The following MIGA1 variants were observed in gnomAD, a reference collection of about 807,000 sequenced individuals.
MIGA1 encodes mitoguardin 1.
In MIGA1, 58 loss-of-function variants were observed where a neutral mutation model predicts 82.0. The observed-to-expected ratio is 0.71, with a 90% CI of 0.57 to 0.88. The LOEUF is 0.88. MIGA1 is among the 40% of genes least tolerant of loss of function. The pLI is 0.00. For missense variants in MIGA1, 751 were observed against 749.1 expected, an observed-to-expected ratio of 1.00 and a Z score of -0.03; for synonymous variants, 249 against 253.6, an observed-to-expected ratio of 0.98 and a Z score of 0.17.
At position 77,855,275 on chromosome 1, in the gene MIGA1, C is replaced by G. The variant is rs544040590; in HGVS notation, c.997-3663C>G. 7.2e-5 allele frequency among the ~76,000 whole-genome samples: 11 copies of G among 152,280 alleles called. No homozygotes were observed. In the South Asian group the frequency reaches 1.0e-3, roughly 14 times the overall value. ...TATGTGCCCATTTTTATACCAGTACCATGCTGTTTTGATGATTGTGGCCTT... is the reference window on the plus strand; with the variant it reads ...TATGTGCCCATTTTTATACCAGTACGATGCTGTTTTGATGATTGTGGCCTT... On this transcript the variant is annotated intron_variant, in intron 8 of 15. Transcript: ENST00000370791.
At chr1:77,790,089 A>G (rs527492490) in intron 2 of MIGA1, among the ~76,000 whole-genome samples, 43 of 152,334 alleles carry the variant, frequency 2.8e-4, no homozygotes, top group Non-Finnish European at 5.1e-4. Context: ...ATTTCCCCCA[A>G]TGGTTACATT....
At chr1:77,780,992 C>T (rs1345667971) in intron 1 of MIGA1, among the ~76,000 whole-genome samples, 6 of 151,212 alleles carry the variant, frequency 4.0e-5, no homozygotes, top group Middle Eastern at 3.4e-3. Flanking sequence ...CTGCAACCTC[C>T]GCCCCTAGGG....
intron 8 of MIGA1, chr1:77,853,800 G>A (rs772620037): frequency 1.0e-4 from 26 of 261,256 alleles, no homozygotes; most frequent in Non-Finnish European, 1.7e-4. Context: ...GTTGGATCAG[G>A]CTCTAAAGGA....
intron 8 of MIGA1, among the ~76,000 whole-genome samples, chr1:77,855,001 T>A (rs185706897): frequency 6.6e-6 from 1 of 152,370 alleles, no homozygotes; most frequent in African/African-American, 2.4e-5. Flanking sequence ...TTTCCAATGT[T>A]ATCTTCTAGA....
intron 14 of MIGA1, among the ~76,000 whole-genome samples, chr1:77,869,451 C>A (rs866277036): frequency 6.9e-6 from 1 of 144,334 alleles, no homozygotes; most frequent in African/African-American, 2.6e-5. Flanking sequence ...CCCAATGAGC[C>A]GCTGGGCACA....
chr1:77,779,961 G>A (rs1681828278), intron 1 of MIGA1: 2 of 1,348,456 alleles, frequency 1.5e-6, no homozygotes, highest in Admixed American at 3.6e-5. Flanking sequence ...AAGCAGGGTC[G>A]GGCCTGGTTA....
chr1:77,843,328 T>C lies in MIGA1; in HGVS notation c.917T>C (p.Met306Thr), dbSNP rs1440055884. ...TAAGATAAAGATACAGATATCACCA[T>C]GAAGGGTAATGTGGAAGACTTTGGC... is the stretch of plus-strand genomic sequence containing the variant. Residue 306 changes from methionine (M) to threonine (T), a missense_variant, in exon 8 of 16, where the codon ATG becomes ACG. This residue lies in a region of MIGA1 where 482 missense variants were observed against 439.4 expected (regional missense o/e 1.10). Transcript: ENST00000370791. The C allele has an allele frequency of 3.1e-6, 5 of 1,613,548 alleles. No homozygotes were observed. The highest frequency in any genetic ancestry group is 2.2e-5 in the East Asian group (1 of 44,866).
At chr1:77,803,824 A>G (rs1313054952) in intron 4 of MIGA1, among the ~76,000 whole-genome samples, 1 of 152,184 alleles carries the variant, frequency 6.6e-6, no homozygotes, top group Non-Finnish European at 1.5e-5. Context: ...GGCAGATAGA[A>G]TAAATAGGAT....
At chr1:77,781,994 T>C (rs983831503) in intron 1 of MIGA1, among the ~76,000 whole-genome samples, 1 of 152,108 alleles carries the variant, frequency 6.6e-6, no homozygotes, top group Admixed American at 6.6e-5. Context: ...AAATAATTTT[T>C]TTTTTTTTTG....
intron 7 of MIGA1, among the ~76,000 whole-genome samples, chr1:77,818,555 T>G (rs1683669036): frequency 1.3e-5 from 2 of 152,172 alleles, no homozygotes; most frequent in Non-Finnish European, 2.9e-5. Context: ...TAGTAGCTAC[T>G]ATTAACTAGC....
intron 2 of MIGA1, among the ~76,000 whole-genome samples, chr1:77,786,392 A>C (rs1242128510): frequency 6.6e-6 from 1 of 152,182 alleles, no homozygotes; most frequent in African/African-American, 2.4e-5. Context: ...TACTTATGCA[A>C]ATTTCTGCAG....
At chr1:77,837,022 G>A (rs1327314217) in intron 7 of MIGA1, among the ~76,000 whole-genome samples, 3 of 152,072 alleles carry the variant, frequency 2.0e-5, no homozygotes, top group East Asian at 3.8e-4. Context: ...ACTTGGACAC[G>A]TAATAGTGAC....
At chr1:77,874,216 C>T (rs1571030576) in intron 15 of MIGA1, among the ~76,000 whole-genome samples, 2 of 151,926 alleles carry the variant, frequency 1.3e-5, no homozygotes, top group East Asian at 1.9e-4. Flanking sequence ...AATACTTATT[C>T]GTATACAGTT....
At chr1:77,802,252 T>A (rs1263489510) in intron 3 of MIGA1, among the ~76,000 whole-genome samples, 2 of 152,210 alleles carry the variant, frequency 1.3e-5, no homozygotes, top group African/African-American at 4.8e-5. Context: ...ATTGCAACAG[T>A]AATGATTGCT....
intron 5 of MIGA1, among the ~76,000 whole-genome samples, chr1:77,809,379 A>G (rs1004421176): frequency 1.2e-4 from 19 of 152,208 alleles, no homozygotes; most frequent in African/African-American, 4.1e-4. Context: ...ATAGTGAGGT[A>G]GACATAGTAC....
chr1:77,850,091 AGAT>A (rs1318998530), intron 8 of MIGA1, among the ~76,000 whole-genome samples: 1 of 152,128 alleles, frequency 6.6e-6, no homozygotes, highest in Non-Finnish European at 1.5e-5. Context: ...TCTGTTCCCA[AGAT>A]AACTCACTCC....
chr1:77,824,598 G>T (rs1373460119), intron 7 of MIGA1, among the ~76,000 whole-genome samples: 1 of 152,158 alleles, frequency 6.6e-6, no homozygotes, highest in East Asian at 1.9e-4. Context: ...ATTTTGGAAG[G>T]AGGTGATACT....
At chr1:77,834,648 G>A (rs77556496) in intron 7 of MIGA1, among the ~76,000 whole-genome samples, 1,840 of 152,172 alleles carry the variant, frequency 0.012, 39 homozygotes, top group African/African-American at 0.043. Context: ...AAATTATACT[G>A]TAGTATTTTA....
chr1:77,862,810 G>C (rs186361290), intron 12 of MIGA1, among the ~76,000 whole-genome samples: 2 of 151,852 alleles, frequency 1.3e-5, no homozygotes, highest in African/African-American at 4.8e-5. Flanking sequence ...GCATGGTGGT[G>C]CATGCCTGTA....
Sources: allele counts gnomAD v4.1 joint callset (sites outside exome capture counted in the v4.1 genomes callset), GRCh38; gene constraint gnomAD v4.1.1; regional missense constraint gnomAD v4.1.1; transcripts MANE v1.5; gene names NCBI Gene and HGNC (gene_info 2026-07-23, HGNC 2026-07-21).